CYP2C18: variants seen among roughly 807,000 people sequenced by gnomAD.
CYP2C18 encodes cytochrome P450 2C18.
A neutral mutation model predicts 41.3 loss-of-function variants in CYP2C18; 38 were observed. That is an observed-to-expected ratio of 0.92 (90% CI 0.71 to 1.21). The LOEUF (loss-of-function observed/expected upper bound fraction) is 1.21, where lower values mean the gene tolerates loss of function less well. Among genes scored for constraint, CYP2C18 ranks in the 50% most tolerant of loss-of-function variants. The pLI, the probability that CYP2C18 is intolerant of heterozygous loss-of-function variation, is 0.00. For missense variants in CYP2C18, 635 were observed against 591.4 expected, an observed-to-expected ratio of 1.07 and a Z score of -0.77; for synonymous variants, 236 against 210.0, an observed-to-expected ratio of 1.12 and a Z score of -1.07.
intron 7 of CYP2C18, among the ~76,000 whole-genome samples, chr10:94,725,074 TAATATAA>T (rs1283546736): frequency 6.8e-6 from 1 of 148,014 alleles, no homozygotes; most frequent in African/African-American, 2.4e-5. Flanking sequence ...ATTTAATATA[TAATATAA>T]AATATATATA....
intron 7 of CYP2C18, among the ~76,000 whole-genome samples, chr10:94,726,781 T>C (rs1180372905): frequency 5.3e-5 from 8 of 152,204 alleles, no homozygotes; most frequent in African/African-American, 1.7e-4. Flanking sequence ...ACATGGTTTC[T>C]GTGTTTATTG....
chr10:94,730,575 A>G (rs1460588973), intron 7 of CYP2C18, among the ~76,000 whole-genome samples: 41 of 152,194 alleles, frequency 2.7e-4, no homozygotes, highest in Non-Finnish European at 1.0e-4. Flanking sequence ...CCACTTTTTA[A>G]TAGCCACAGG....
chr10:94,690,729 G>C (rs924616145), intron 3 of CYP2C18, among the ~76,000 whole-genome samples: 12 of 152,072 alleles, frequency 7.9e-5, no homozygotes, highest in Admixed American at 1.3e-4. Context: ...CAAAAAAAGA[G>C]AATTTTAGAC....
chr10:94,734,911 G>A (rs1403354924), intron 8 of CYP2C18, among the ~76,000 whole-genome samples: 1 of 152,126 alleles, frequency 6.6e-6, no homozygotes. Context: ...CACTATATGA[G>A]CCTTCTCTTT....
chr10:94,701,953 T>A (rs1175211570), intron 4 of CYP2C18, among the ~76,000 whole-genome samples: 3 of 152,148 alleles, frequency 2.0e-5, no homozygotes, highest in Admixed American at 6.5e-5. Context: ...AATCTTTCTG[T>A]AAATCTGTAT....
At chr10:94,705,112 G>A (rs947131743) in intron 4 of CYP2C18, among the ~76,000 whole-genome samples, 8 of 152,124 alleles carry the variant, frequency 5.3e-5, no homozygotes, top group African/African-American at 1.9e-4. Flanking sequence ...AAGCTGATGA[G>A]GGAGGTGGTA....
intron 3 of CYP2C18, 90 bp from the exon 4 acceptor site, chr10:94,694,827 G>A: frequency 1.4e-6 from 2 of 1,413,430 alleles, no homozygotes; most frequent in Non-Finnish European, 1.9e-6. Flanking sequence ...TATTGGTTTA[G>A]AGTTTCTAAA....
intron 4 of CYP2C18, among the ~76,000 whole-genome samples, chr10:94,695,713 C>G (rs1194628528): frequency 2.0e-5 from 3 of 152,106 alleles, no homozygotes; most frequent in African/African-American, 7.2e-5. Context: ...CACAAGGGGT[C>G]AGGGAATTCC....
Position 94,704,540 on chromosome 10 carries a change from G to A in CYP2C18, c.643-2244G>A, listed in dbSNP as rs570741279. Among the ~76,000 whole-genome samples, 20 of 151,938 alleles carry A rather than the reference G, an allele frequency of 1.3e-4. No homozygotes were observed. The East Asian group carries it at 3.9e-3, about 29-fold the overall frequency. ...GCAGAAGAAAGATGGAAGGAAGTAA[G>A]GAAAGGAAGGAAGGAGGAAAGGAAT... On this transcript the variant is annotated intron_variant, in intron 4 of 8. Transcript: ENST00000285979.
intron 3 of CYP2C18, among the ~76,000 whole-genome samples, chr10:94,689,837 AAATT>A (rs1468228408): frequency 6.6e-6 from 1 of 152,044 alleles, no homozygotes; most frequent in Admixed American, 6.6e-5. Context: ...TCCTTGTCTT[AAATT>A]ATTATAGGGC....
At chr10:94,686,346 C>T (rs1233812219) in intron 1 of CYP2C18, among the ~76,000 whole-genome samples, 1 of 152,288 alleles carries the variant, frequency 6.6e-6, no homozygotes, top group East Asian at 1.9e-4. Flanking sequence ...GACAATTTCA[C>T]TTCATCCTTT....
chr10:94,724,231 C>A, intron 6 of CYP2C18, 115 bp from the exon 7 acceptor site: 1 of 1,025,906 alleles, frequency 9.7e-7, no homozygotes, highest in Non-Finnish European at 1.5e-6. Context: ...ACTTTCAGTC[C>A]TATAAGTTTA....
intron 5 of CYP2C18, among the ~76,000 whole-genome samples, chr10:94,719,114 G>A (rs1457995461): frequency 1.3e-5 from 2 of 152,112 alleles, no homozygotes; most frequent in African/African-American, 2.4e-5. Flanking sequence ...AGAGACTGGA[G>A]CCTCCTATTC....
chr10:94,717,910 G>A (rs61459416), intron 5 of CYP2C18, among the ~76,000 whole-genome samples: 3,845 of 152,034 alleles, frequency 0.025, 149 homozygotes, highest in African/African-American at 0.075. Context: ...TCTTCTTTCT[G>A]CTAATTATTG....
At chr10:94,714,848 T>C (rs1847510617) in intron 5 of CYP2C18, among the ~76,000 whole-genome samples, 1 of 152,224 alleles carries the variant, frequency 6.6e-6, no homozygotes, top group Non-Finnish European at 1.5e-5. Context: ...TCCTCTTTTA[T>C]TTCATTGAGC....
intron 7 of CYP2C18, among the ~76,000 whole-genome samples, chr10:94,732,859 T>C (rs1439139694): frequency 6.6e-6 from 1 of 152,058 alleles, no homozygotes; most frequent in East Asian, 1.9e-4. Flanking sequence ...CTGTGCTCTC[T>C]ACTCGGGTGA....
chr10:94,735,565 C>T lies in CYP2C18; in HGVS notation c.*121C>T. The T allele has an allele frequency of 1.0e-6, 1 of 980,440 alleles. No individual in the cohort carries two copies. The allele number at this position is 980,440 out of a possible 1,614,324, so 60.7% of individuals were successfully genotyped here. On this transcript the variant is annotated 3_prime_UTR_variant, in exon 9 of 9. Transcript: ENST00000285979. The stretch of plus-strand genomic sequence containing the variant: ...TCTCTGACTTGTCAATCCACATCTT[C>T]CCATTCCCTCAAGATCCAATGAACA...
chr10:94,685,861 C>T (rs1310037783), intron 1 of CYP2C18, among the ~76,000 whole-genome samples: 1 of 151,916 alleles, frequency 6.6e-6, no homozygotes, highest in East Asian at 1.9e-4. Flanking sequence ...GATTAATTTG[C>T]TTTAGTTATT....
chr10:94,703,782 G>A (rs1564641831), intron 4 of CYP2C18, among the ~76,000 whole-genome samples: 1 of 152,074 alleles, frequency 6.6e-6, no homozygotes, highest in Non-Finnish European at 1.5e-5. Flanking sequence ...ACTGGGGTAT[G>A]AAAAAAAGAC....
Sources: allele counts gnomAD v4.1 joint callset (sites outside exome capture counted in the v4.1 genomes callset), GRCh38; gene constraint gnomAD v4.1.1; transcripts MANE v1.5; gene names NCBI Gene and HGNC (gene_info 2026-07-23, HGNC 2026-07-21).